Variants in UBTD2 observed in about 807,000 individuals in gnomAD.
UBTD2 encodes the protein ubiquitin domain-containing protein 2.
A neutral mutation model predicts 19.8 loss-of-function variants in UBTD2; 9 were observed. The ratio of observed to expected loss-of-function variants is 0.46; its 90% CI spans 0.27 to 0.79. The LOEUF (loss-of-function observed/expected upper bound fraction) is 0.79, where lower values mean the gene tolerates loss of function less well. Ranked by LOEUF, UBTD2 falls within the 30% of genes least tolerant of loss-of-function variation. The probability of loss-of-function intolerance (pLI) is 0.14; values close to 1 mark genes in which losing one functional copy is unlikely to be tolerated. For missense variants in UBTD2, 250 were observed against 300.4 expected (o/e 0.83, Z 1.24); for synonymous variants, 98 against 103.9 (o/e 0.94, Z 0.35).
At chr5:172,268,267 GA>G (rs1358268579) in intron 1 of UBTD2, among the ~76,000 whole-genome samples, 1 of 152,020 alleles carries the variant, frequency 6.6e-6, no homozygotes, top group African/African-American at 2.4e-5. Flanking sequence ...AGAAAAATGA[GA>G]AAAACGCTCA....
intron 1 of UBTD2, among the ~76,000 whole-genome samples, chr5:172,269,598 C>CAGCTGTGCTCCATT (rs1199760959): frequency 6.6e-6 from 1 of 151,806 alleles, no homozygotes; most frequent in Non-Finnish European, 1.5e-5. Flanking sequence ...GAGTCGCACA[C>CAGCTGTGCTCCATT]AGCTAATGGA....
chr5:172,271,248 G>C (rs1755483279), intron 1 of UBTD2, among the ~76,000 whole-genome samples: 1 of 151,966 alleles, frequency 6.6e-6, no homozygotes, highest in Non-Finnish European at 1.5e-5. Context: ...GGCTAACACA[G>C]TGAAACCCCG....
At chr5:172,277,725 C>T (rs2113139342) in intron 1 of UBTD2, among the ~76,000 whole-genome samples, 1 of 151,452 alleles carries the variant, frequency 6.6e-6, no homozygotes, top group East Asian at 1.9e-4. Context: ...ACAACAACAA[C>T]AACTTTGTAC....
At chr5:172,249,820 G>A (rs533243587) in intron 1 of UBTD2, among the ~76,000 whole-genome samples, 8 of 152,162 alleles carry the variant, frequency 5.3e-5, no homozygotes, top group Admixed American at 3.3e-4. Context: ...GGGAACCCAC[G>A]TGATCATCTC....
At chr5:172,225,183 G>A (rs921825858) in intron 2 of UBTD2, among the ~76,000 whole-genome samples, 3 of 152,024 alleles carry the variant, frequency 2.0e-5, no homozygotes, top group Non-Finnish European at 4.4e-5. Flanking sequence ...CATTTCCCCA[G>A]GCCAGGAAGC....
chr5:172,270,026 G>A (rs1368966663), intron 1 of UBTD2, among the ~76,000 whole-genome samples: 1 of 151,356 alleles, frequency 6.6e-6, no homozygotes, highest in East Asian at 2.0e-4. Context: ...GCAGTGAGCC[G>A]AGATCACGCC....
At chr5:172,224,248 A>G (rs1030457777) in intron 2 of UBTD2, among the ~76,000 whole-genome samples, 1 of 136,192 alleles carries the variant, frequency 7.3e-6, no homozygotes, top group Non-Finnish European at 1.6e-5. Flanking sequence ...GGCTTCCCCC[A>G]AGCTCTTCTC....
At chr5:172,230,598 T>C (rs1352750550) in intron 2 of UBTD2, among the ~76,000 whole-genome samples, 3 of 152,146 alleles carry the variant, frequency 2.0e-5, no homozygotes, top group African/African-American at 7.2e-5. Flanking sequence ...AAGATGTGAT[T>C]TGCCCAAAGT....
At chr5:172,258,478 T>C (rs1456720900) in intron 1 of UBTD2, among the ~76,000 whole-genome samples, 1 of 152,242 alleles carries the variant, frequency 6.6e-6, no homozygotes. Context: ...TTTGGTTCCA[T>C]ATGAATTTTA....
chr5:172,282,023 AC>A (rs1243062725), intron 1 of UBTD2, among the ~76,000 whole-genome samples: 2 of 152,228 alleles, frequency 1.3e-5, no homozygotes, highest in Non-Finnish European at 2.9e-5. Flanking sequence ...AAGTCACACT[AC>A]CAAAAGGCTT....
At chr5:172,254,259 C>T (rs1755094588) in intron 1 of UBTD2, among the ~76,000 whole-genome samples, 1 of 152,060 alleles carries the variant, frequency 6.6e-6, no homozygotes, top group South Asian at 2.1e-4. Context: ...GCCACCACGC[C>T]CGGTTAATTT....
At chr5:172,242,123 C>T (rs966848646) in intron 1 of UBTD2, among the ~76,000 whole-genome samples, 1 of 152,186 alleles carries the variant, frequency 6.6e-6, no homozygotes, top group Non-Finnish European at 1.5e-5. Context: ...CTTTGCCTTC[C>T]GCCATGATTG....
At chr5:172,242,391 A>T (rs1466937827) in intron 1 of UBTD2, 17 of 985,284 alleles carry the variant, frequency 1.7e-5, no homozygotes, top group Non-Finnish European at 1.2e-6. Flanking sequence ...TGTTTTTCAT[A>T]CCAAGTTCCA....
chr5:172,261,728 G>A (rs568325054), intron 1 of UBTD2, among the ~76,000 whole-genome samples: 1 of 151,990 alleles, frequency 6.6e-6, no homozygotes, highest in Admixed American at 6.6e-5. Context: ...AGATTCAAGT[G>A]ATTCTCGTGC....
intron 2 of UBTD2, among the ~76,000 whole-genome samples, chr5:172,213,943 C>T (rs764948585): frequency 1.1e-4 from 17 of 152,266 alleles, no homozygotes; most frequent in Middle Eastern, 6.8e-3. Flanking sequence ...TGCGCCACCA[C>T]GTCCAGCTAA....
intron 2 of UBTD2, among the ~76,000 whole-genome samples, chr5:172,215,480 G>C (rs1193711709): frequency 6.6e-6 from 1 of 152,084 alleles, no homozygotes; most frequent in South Asian, 2.1e-4. Context: ...CTCACAAAAA[G>C]ACTAAAACCT....
chr5:172,281,427 A>T (rs1254334573), intron 1 of UBTD2, among the ~76,000 whole-genome samples: 1 of 152,124 alleles, frequency 6.6e-6, no homozygotes, highest in South Asian at 2.1e-4. Flanking sequence ...TGTACCTGGG[A>T]GGTCAAGGCT....
chr5:172,209,789 A>G lies in UBTD2; in HGVS notation c.*2041T>C, dbSNP rs560313214. 27 of 152,694 alleles carry G rather than the reference A, an allele frequency of 1.8e-4. No individual in the cohort carries two copies. Among genetic ancestry groups the G allele is most frequent in the African/African-American group, 6.3e-4 (26 of 41,554 alleles). The allele number at this position is 152,694 out of a possible 1,614,324, so 9.5% of individuals were successfully genotyped here. A position where few individuals can be genotyped will look rare whatever the true frequency, so the allele number is the denominator to read the frequency against. Reference sequence around the variant, plus strand: ...GTTTTCCCACCTAGGTTAGTTAAACATGCCCAGAGAATTGTTATTCAAAGC... The same window carrying G: ...GTTTTCCCACCTAGGTTAGTTAAACGTGCCCAGAGAATTGTTATTCAAAGC... On this transcript the variant is annotated 3_prime_UTR_variant, in exon 3 of 3. Transcript: ENST00000393792.
chr5:172,263,656 C>T (rs570949824), intron 1 of UBTD2, among the ~76,000 whole-genome samples: 158 of 151,912 alleles, frequency 1.0e-3, no homozygotes, highest in African/African-American at 3.3e-3. Flanking sequence ...TAGCCAGGCA[C>T]GGTGGCGGGC....
Sources: gnomAD v4.1 joint callset for allele counts (sites outside exome capture counted in the v4.1 genomes callset) on GRCh38, gnomAD v4.1.1 for gene constraint, MANE v1.5 for transcripts, NCBI Gene and HGNC (gene_info 2026-07-23, HGNC 2026-07-21) for gene names.